MDGA2: variants seen among roughly 807,000 people sequenced by gnomAD.
The protein encoded by MDGA2 is MAM domain containing glycosylphosphatidylinositol anchor 2.
In MDGA2, 40 loss-of-function variants were observed where a neutral mutation model predicts 117.8. That is an observed-to-expected ratio of 0.34 (90% CI 0.26 to 0.44). The LOEUF is 0.44. Ranked by LOEUF, MDGA2 falls within the 20% of genes least tolerant of loss-of-function variation. The pLI, the probability that MDGA2 is intolerant of heterozygous loss-of-function variation, is 1.00. For synonymous variants in MDGA2, 452 were observed against 439.0 expected, an observed-to-expected ratio of 1.03 and a Z score of -0.37; for missense variants, 1,123 against 1,250.6, an observed-to-expected ratio of 0.90 and a Z score of 1.54.
chr14:47,097,073 C>T lies in MDGA2; in HGVS notation c.976G>A (p.Gly326Arg). The T allele has an allele frequency of 6.2e-7, 1 of 1,613,118 alleles. No homozygotes were observed. The highest frequency in any genetic ancestry group is 8.5e-7 in the Non-Finnish European group (1 of 1,179,342). Reference protein sequence around the residue: ...LVDDPIVVNPGEAITLVCVTT... With the variant: ...LVDDPIVVNPREAITLVCVTT... ...ACACATACTAATGTTATGGCCTCTC[C>T]AGGATTTACAACTATAGGATCATCC... The change falls in exon 6 of 17, where the codon GGA (glycine) becomes AGA (arginine). Residue 326 changes from glycine to arginine, a missense_variant. This residue lies in a region of MDGA2 where 890 missense variants were observed against 1,050.3 expected (regional missense o/e 0.85). Transcript: ENST00000399232.
intron 1 of MDGA2, among the ~76,000 whole-genome samples, chr14:47,362,506 C>A (rs550972731): frequency 6.6e-6 from 1 of 152,042 alleles, no homozygotes; most frequent in Non-Finnish European, 1.5e-5. Context: ...TTAATATTAT[C>A]CAGCTATTTG....
intron 1 of MDGA2, among the ~76,000 whole-genome samples, chr14:47,354,136 G>C (rs568180761): frequency 1.3e-5 from 2 of 152,060 alleles, no homozygotes; most frequent in East Asian, 3.9e-4. Context: ...AACAAATTAG[G>C]TATAGAAGGA....
At chr14:47,561,583 T>C (rs1895818133) in intron 1 of MDGA2, among the ~76,000 whole-genome samples, 1 of 152,202 alleles carries the variant, frequency 6.6e-6, no homozygotes, top group African/African-American at 2.4e-5. Context: ...GATTTTGTCC[T>C]GAAACTTTGC....
At chr14:46,905,906 G>A (rs1883473230) in intron 10 of MDGA2, among the ~76,000 whole-genome samples, 2 of 152,132 alleles carry the variant, frequency 1.3e-5, no homozygotes, top group South Asian at 4.1e-4. Context: ...CAGGTATATA[G>A]TGGGCACTGA....
chr14:47,275,526 C>G (rs1392729798), intron 2 of MDGA2, among the ~76,000 whole-genome samples: 2 of 151,890 alleles, frequency 1.3e-5, no homozygotes, highest in African/African-American at 4.8e-5. Context: ...TGTGGAGGCC[C>G]TAAGGCAAAG....
intron 1 of MDGA2, among the ~76,000 whole-genome samples, chr14:47,358,184 T>C (rs149044699): frequency 1.3e-4 from 20 of 152,320 alleles, no homozygotes; most frequent in South Asian, 2.1e-4. Flanking sequence ...CACCATTTTC[T>C]ACGCATAGAT....
intron 1 of MDGA2, among the ~76,000 whole-genome samples, chr14:47,337,171 G>A (rs753006360): frequency 1.8e-4 from 28 of 151,944 alleles, no homozygotes; most frequent in Admixed American, 4.6e-4. Context: ...TATATAAACT[G>A]TATTCTTTAC....
chr14:46,911,628 A>T (rs1207824749), intron 10 of MDGA2, among the ~76,000 whole-genome samples: 1 of 152,176 alleles, frequency 6.6e-6, no homozygotes. Context: ...ATGATGATTG[A>T]TTCAAAATCA....
intron 1 of MDGA2, among the ~76,000 whole-genome samples, chr14:47,454,297 T>G (rs1250714101): frequency 6.6e-6 from 1 of 152,126 alleles, no homozygotes; most frequent in Admixed American, 6.5e-5. Context: ...CCCTCTGAAC[T>G]GCATCAATGT....
At chr14:47,010,939 T>A (rs1307075956) in intron 8 of MDGA2, among the ~76,000 whole-genome samples, 1 of 152,084 alleles carries the variant, frequency 6.6e-6, no homozygotes. Context: ...TAGATCAGAT[T>A]TATTTTCCAT....
chr14:47,544,572 T>C (rs1400147196), intron 1 of MDGA2, among the ~76,000 whole-genome samples: 1 of 152,198 alleles, frequency 6.6e-6, no homozygotes. Flanking sequence ...GTGTTTGCTT[T>C]GTTGTTAATG....
At chr14:46,949,031 G>A (rs1324004138) in intron 9 of MDGA2, among the ~76,000 whole-genome samples, 3 of 151,948 alleles carry the variant, frequency 2.0e-5, no homozygotes. Context: ...ATTTTTCTAT[G>A]ATCATACTGC....
intron 1 of MDGA2, among the ~76,000 whole-genome samples, chr14:47,626,152 T>C (rs1249262264): frequency 2.0e-5 from 3 of 152,224 alleles, no homozygotes; most frequent in Admixed American, 6.5e-5. Context: ...TTGCATTCTA[T>C]CTATCAACAA....
At chr14:47,339,382 G>A (rs73251876) in intron 1 of MDGA2, among the ~76,000 whole-genome samples, 6,166 of 152,096 alleles carry the variant, frequency 0.041, 171 homozygotes, top group African/African-American at 0.076. Flanking sequence ...GTTTGGATAT[G>A]GTTGGTTTGA....
At chr14:47,003,644 T>A (rs575017209) in intron 8 of MDGA2, among the ~76,000 whole-genome samples, 31 of 152,232 alleles carry the variant, frequency 2.0e-4, no homozygotes, top group East Asian at 7.7e-4. Flanking sequence ...TCATTTTTTT[T>A]ATAATTTTCT....
intron 1 of MDGA2, among the ~76,000 whole-genome samples, chr14:47,463,725 T>A (rs1269945412): frequency 1.3e-5 from 2 of 152,166 alleles, no homozygotes; most frequent in Non-Finnish European, 2.9e-5. Context: ...ATAGATAACA[T>A]TTTAAAATCA....
At chr14:47,085,840 A>C (rs1890876206) in intron 6 of MDGA2, among the ~76,000 whole-genome samples, 1 of 152,096 alleles carries the variant, frequency 6.6e-6, no homozygotes, top group Non-Finnish European at 1.5e-5. Context: ...TAAATCTAAA[A>C]TTGCCAGTCA....
chr14:47,555,284 C>A (rs986720915), intron 1 of MDGA2, among the ~76,000 whole-genome samples: 2 of 152,120 alleles, frequency 1.3e-5, no homozygotes, highest in Non-Finnish European at 2.9e-5. Context: ...AACAATGCTG[C>A]AACTTTCTCA....
At chr14:47,303,918 A>T (rs994299420) in intron 1 of MDGA2, among the ~76,000 whole-genome samples, 3 of 152,188 alleles carry the variant, frequency 2.0e-5, no homozygotes, top group African/African-American at 7.2e-5. Context: ...GCTTTATTTA[A>T]ACCACTTAAA....
Sources: gnomAD v4.1 joint callset for allele counts (sites outside exome capture counted in the v4.1 genomes callset) on GRCh38, gnomAD v4.1.1 for gene constraint, gnomAD v4.1.1 regional missense constraint, MANE v1.5 for transcripts, NCBI Gene and HGNC (gene_info 2026-07-23, HGNC 2026-07-21) for gene names.